Variants in DLG2 observed in about 807,000 individuals in gnomAD.
The protein encoded by DLG2 is disks large homolog 2.
In DLG2, 45 loss-of-function variants were observed where a neutral mutation model predicts 132.5. That is an observed-to-expected ratio of 0.34 (90% CI 0.27 to 0.44). The LOEUF (loss-of-function observed/expected upper bound fraction) is 0.44, where lower values mean the gene tolerates loss of function less well. Among genes scored for constraint, DLG2 ranks in the 20% least tolerant of loss-of-function variants. DLG2 has a pLI of 1.00. For synonymous variants in DLG2, 424 were observed against 419.6 expected (o/e 1.01, Z -0.13); for missense variants, 1,045 against 1,196.9 (o/e 0.87, Z 1.87).
chr11:85,182,869 G>T (rs2079813929), intron 4 of DLG2, among the ~76,000 whole-genome samples: 1 of 149,902 alleles, frequency 6.7e-6, no homozygotes, highest in South Asian at 2.1e-4. Context: ...GATAATGTGG[G>T]TTGAGATTTA....
At chr11:85,577,517 A>G (rs530954502) in intron 3 of DLG2, among the ~76,000 whole-genome samples, 1 of 152,268 alleles carries the variant, frequency 6.6e-6, no homozygotes. Context: ...GGGAGGAATT[A>G]AGAGTCCAGT....
intron 6 of DLG2, among the ~76,000 whole-genome samples, chr11:85,103,667 C>CAAGGGGTTA (rs2071242104): frequency 6.6e-6 from 1 of 151,714 alleles, no homozygotes; most frequent in African/African-American, 2.4e-5. Flanking sequence ...TTGGGTTATG[C>CAAGGGGTTA]CAAGCCTTTT....
chr11:83,806,620 G>A (rs140158485), intron 17 of DLG2, among the ~76,000 whole-genome samples: 1 of 152,080 alleles, frequency 6.6e-6, no homozygotes, highest in Non-Finnish European at 1.5e-5. Context: ...TAAGCCCCAC[G>A]AGGGCAGTCC....
chr11:84,173,501 C>A (rs896288159), intron 8 of DLG2, among the ~76,000 whole-genome samples: 1 of 152,264 alleles, frequency 6.6e-6, no homozygotes, highest in African/African-American at 2.4e-5. Context: ...GTATCAAGAA[C>A]TCAAAGCACA....
At chr11:85,341,561 A>C (rs2082505089) in intron 3 of DLG2, among the ~76,000 whole-genome samples, 1 of 152,208 alleles carries the variant, frequency 6.6e-6, no homozygotes, top group African/African-American at 2.4e-5. Flanking sequence ...AATAGTAGTG[A>C]AGATAGTTGG....
chr11:83,883,490 AC>A (rs2154077283), intron 15 of DLG2, among the ~76,000 whole-genome samples: 1 of 152,242 alleles, frequency 6.6e-6, no homozygotes, highest in African/African-American at 2.4e-5. Context: ...CCCACTCATC[AC>A]TGTTAGGTAG....
rs1328543779 is a variant in DLG2, at chr11:83,545,950, T to C, written c.1941-4092A>G. Among the ~76,000 whole-genome samples, 3 of 152,166 alleles carry C rather than the reference T, an allele frequency of 2.0e-5. No homozygotes were observed. In the East Asian group the frequency reaches 5.8e-4, roughly 29 times the overall value. On this transcript the variant is annotated intron_variant, in intron 19 of 27. Coordinates refer to ENST00000376104, the MANE Select transcript of DLG2 (RefSeq NM_001142699.3). ...AAGCGATAAGCTGTTTTTAATTTGC[T>C]TTATGTGTTAATTCATCACAGCAAC...
chr11:84,180,895 C>G lies in DLG2; in HGVS notation c.574-17384G>C, dbSNP rs750699518. On this transcript the variant is annotated intron_variant, in intron 8 of 27. Coordinates refer to ENST00000376104, the MANE Select transcript of DLG2 (RefSeq NM_001142699.3). ...TAAGGAAATGTTTCTGTCAGTAGACCTATCTTGAGAGAAATATTGCAGTAA... is the reference window on the plus strand; with the variant it reads ...TAAGGAAATGTTTCTGTCAGTAGACGTATCTTGAGAGAAATATTGCAGTAA... Among the ~76,000 whole-genome samples the G allele has an allele frequency of 2.6e-5, 4 of 151,818 alleles. No homozygotes were observed. The East Asian group carries it at 7.7e-4, about 29-fold the overall frequency.
intron 7 of DLG2, among the ~76,000 whole-genome samples, chr11:84,291,922 C>T (rs1392522637): frequency 6.6e-6 from 1 of 152,122 alleles, no homozygotes; most frequent in Non-Finnish European, 1.5e-5. Context: ...TTGGAAAACA[C>T]CCCCTCTATT....
In DLG2 at chr11:85,250,283, GT is replaced by G. The variant is rs538730221; in HGVS notation, c.186+34936del. Reference sequence around the variant, plus strand: ...GTACCAAATAATTAACTATATATCAGTTTTATTTACCCCTTTGTCAAACATT... The same window carrying G: ...GTACCAAATAATTAACTATATATCAGTTTATTTACCCCTTTGTCAAACATT... On this transcript the variant is annotated intron_variant, in intron 4 of 27. Transcript: ENST00000376104. Among the ~76,000 whole-genome samples the G allele has an allele frequency of 1.3e-4, 20 of 152,180 alleles. 1 individual carries two copies. In the South Asian group the frequency reaches 3.9e-3, roughly 30 times the overall value.
rs147963293 is a variant in DLG2, at chr11:85,493,449, G to A, written c.40+105208C>T. Reference sequence around the variant, plus strand: ...CTTCTTTGACCTCATCCAAAATAACGCTGCCTTAGTATGCTTGTTTGCTAG... The same window carrying A: ...CTTCTTTGACCTCATCCAAAATAACACTGCCTTAGTATGCTTGTTTGCTAG... On this transcript the variant is annotated intron_variant, in intron 3 of 27. Transcript: ENST00000376104. Among the ~76,000 whole-genome samples the A allele has an allele frequency of 6.0e-4, 92 of 152,138 alleles. 1 individual carries two copies. The highest frequency in any genetic ancestry group is 2.0e-3 in the African/African-American group (81 of 41,500).
At chr11:83,768,072 A>T (rs1250027226) in intron 18 of DLG2, among the ~76,000 whole-genome samples, 1 of 152,150 alleles carries the variant, frequency 6.6e-6, no homozygotes, top group African/African-American at 2.4e-5. Flanking sequence ...ATAATCTCAC[A>T]TTTAGGACTA....
At chr11:84,022,510 G>T (rs1313892059) in intron 11 of DLG2, among the ~76,000 whole-genome samples, 2 of 152,056 alleles carry the variant, frequency 1.3e-5, no homozygotes, top group Non-Finnish European at 2.9e-5. Flanking sequence ...AGCCTCACTG[G>T]GCCAGCCAAA....
intron 6 of DLG2, among the ~76,000 whole-genome samples, chr11:85,041,675 T>C (rs2061881155): frequency 6.6e-6 from 1 of 151,970 alleles, no homozygotes; most frequent in Non-Finnish European, 1.5e-5. Context: ...ACAGTAGTGG[T>C]GATTAAGCTG....
At chr11:83,913,527 G>A (rs571412611) in intron 15 of DLG2, among the ~76,000 whole-genome samples, 83 of 152,158 alleles carry the variant, frequency 5.5e-4, no homozygotes, top group Non-Finnish European at 1.1e-3. Context: ...TAATAATAAT[G>A]TAGGCTAATT....
chr11:84,520,601 A>T (rs903884208), intron 7 of DLG2, among the ~76,000 whole-genome samples: 1 of 151,640 alleles, frequency 6.6e-6, no homozygotes, highest in African/African-American at 2.4e-5. Context: ...CCACCACCCA[A>T]CCCTCACTGC....
chr11:83,803,173 A>C (rs563027760), intron 17 of DLG2, among the ~76,000 whole-genome samples: 3 of 152,288 alleles, frequency 2.0e-5, no homozygotes, highest in Admixed American at 2.0e-4. Context: ...ATATTTACTG[A>C]ATGCCTTCTT....
At chr11:84,363,274 T>G (rs886835869) in intron 7 of DLG2, among the ~76,000 whole-genome samples, 45 of 152,188 alleles carry the variant, frequency 3.0e-4, no homozygotes, top group African/African-American at 1.0e-3. Flanking sequence ...TGGTGAGGAT[T>G]TTTTCATGTG....
intron 10 of DLG2, among the ~76,000 whole-genome samples, chr11:84,074,608 A>G (rs1402852710): frequency 6.7e-6 from 1 of 148,812 alleles, no homozygotes; most frequent in South Asian, 2.1e-4. Flanking sequence ...GGCTCACTGC[A>G]ACCTCCGCCT....
Sources: allele counts gnomAD v4.1 joint callset (sites outside exome capture counted in the v4.1 genomes callset), GRCh38; gene constraint gnomAD v4.1.1; transcripts MANE v1.5; gene names NCBI Gene and HGNC (gene_info 2026-07-23, HGNC 2026-07-21).